The following DYRK1A variants were observed in gnomAD, a reference collection of about 807,000 sequenced individuals.
The protein encoded by DYRK1A is dual specificity tyrosine-phosphorylation-regulated kinase 1A.
Under a neutral mutation model 79.7 loss-of-function variants are expected in DYRK1A, and 9 were observed. That is an observed-to-expected ratio of 0.11 (90% CI 0.07 to 0.20). The LOEUF (loss-of-function observed/expected upper bound fraction) is 0.20, where lower values mean the gene tolerates loss of function less well. DYRK1A is among the 10% of genes least tolerant of loss of function. DYRK1A has a pLI of 1.00. For synonymous variants in DYRK1A, 349 were observed against 329.7 expected (o/e 1.06, Z -0.63); for missense variants, 622 against 956.0 (o/e 0.65, Z 4.61).
intron 1 of DYRK1A, among the ~76,000 whole-genome samples, chr21:37,371,740 A>G (rs1332017792): frequency 6.6e-6 from 1 of 152,116 alleles, no homozygotes; most frequent in Admixed American, 6.5e-5. Flanking sequence ...GTCAGTGAAT[A>G]TTCTTGTTTT....
chr21:37,413,134 A>G (rs1185063993), intron 1 of DYRK1A, among the ~76,000 whole-genome samples: 1 of 152,180 alleles, frequency 6.6e-6, no homozygotes, highest in Non-Finnish European at 1.5e-5. Context: ...TGTAAACTCC[A>G]CAGAAGTGTG....
At position 37,526,184 on chromosome 21, in the gene DYRK1A, A is replaced by T. The variant is rs2053966603; in HGVS notation, c.*13653A>T. 1 of 152,238 alleles carries T rather than the reference A, an allele frequency of 6.6e-6. No homozygotes were observed. Among genetic ancestry groups the T allele is most frequent in the African/African-American group, 2.4e-5 (1 of 41,446 alleles). 9.4% of individuals were successfully genotyped at this position (152,238 alleles called of 1,614,324 possible). Reference sequence around the variant, plus strand: ...CAAACTACAGTTTGAGCAGTGTGTTAGGGACCTCAATGCAAACCCAAAAGA... The same window carrying T: ...CAAACTACAGTTTGAGCAGTGTGTTTGGGACCTCAATGCAAACCCAAAAGA... On this transcript the variant is annotated 3_prime_UTR_variant, in exon 12 of 12. Transcript: ENST00000647188.
intron 1 of DYRK1A, among the ~76,000 whole-genome samples, chr21:37,410,298 T>C (rs2148413205): frequency 6.6e-6 from 1 of 152,320 alleles, no homozygotes; most frequent in Middle Eastern, 3.4e-3. Flanking sequence ...AGGCTGTGTA[T>C]AGGTATTTTC....
chr21:37,459,791 C>T (rs2051778411), intron 2 of DYRK1A, among the ~76,000 whole-genome samples: 1 of 152,192 alleles, frequency 6.6e-6, no homozygotes, highest in Non-Finnish European at 1.5e-5. Flanking sequence ...GCATTCTTCT[C>T]TGTGTCTCTG....
intron 2 of DYRK1A, among the ~76,000 whole-genome samples, chr21:37,431,247 G>T (rs942954273): frequency 6.6e-6 from 1 of 152,206 alleles, no homozygotes; most frequent in Non-Finnish European, 1.5e-5. Flanking sequence ...TGGGGTGGCT[G>T]TTGGCTCCTT....
intron 2 of DYRK1A, among the ~76,000 whole-genome samples, chr21:37,439,829 G>GT (rs1394797559): frequency 1.3e-5 from 2 of 151,944 alleles, no homozygotes; most frequent in East Asian, 3.9e-4. Context: ...TTTGTCAAAT[G>GT]TTTTTTCTGC....
intron 1 of DYRK1A, among the ~76,000 whole-genome samples, chr21:37,403,663 A>ATGTG (rs761056038): frequency 0.02 from 2,480 of 121,460 alleles, 28 homozygotes; most frequent in Middle Eastern, 0.031. Context: ...ATATATATAT[A>ATGTG]TGTGTGTGTG....
intron 1 of DYRK1A, among the ~76,000 whole-genome samples, chr21:37,375,519 CTTTTT>C (rs58948987): frequency 0.055 from 4,460 of 81,418 alleles, 227 homozygotes; most frequent in African/African-American, 0.19. Context: ...AGGAATATTA[CTTTTT>C]TTTTTTTTTT....
intron 8 of DYRK1A, among the ~76,000 whole-genome samples, chr21:37,495,096 TAAAGTACTTAAA>T (rs1419587581): frequency 6.6e-6 from 1 of 151,934 alleles, no homozygotes; most frequent in African/African-American, 2.4e-5. Flanking sequence ...CACACTCATT[TAAAGTACTTAAA>T]AAAGTACTTT....
rs2186339 is a variant in DYRK1A at position 37,505,200 on chromosome 21, T to G, written c.1213-83T>G. On this transcript the variant is annotated intron_variant, in intron 9 of 11. Transcript: ENST00000647188. ...TTAATAAAGGCCTCAACATATATAT[T>G]TAAACATATTTGAAATTCAATTATG... 161,899 of 1,151,974 alleles carry G rather than the reference T, an allele frequency of 0.14. 12,553 individuals are homozygous for G. Among genetic ancestry groups the G allele is most frequent in the Middle Eastern group, 0.2 (817 of 4,102 alleles). The allele number at this position is 1,151,974 out of a possible 1,614,324, so 71.4% of individuals were successfully genotyped here.
chr21:37,490,983 C>CT (rs1263147621), intron 7 of DYRK1A, among the ~76,000 whole-genome samples: 2 of 152,132 alleles, frequency 1.3e-5, no homozygotes, highest in Non-Finnish European at 1.5e-5. Flanking sequence ...CAAGATAAAT[C>CT]TTTTTTCTCA....
At chr21:37,373,572 T>C (rs2049476592) in intron 1 of DYRK1A, among the ~76,000 whole-genome samples, 1 of 152,242 alleles carries the variant, frequency 6.6e-6, no homozygotes, top group Non-Finnish European at 1.5e-5. Flanking sequence ...CTTGGTTCCT[T>C]CTGTCTTGTT....
At chr21:37,473,802 C>A (rs910476525) in intron 3 of DYRK1A, among the ~76,000 whole-genome samples, 1 of 137,690 alleles carries the variant, frequency 7.3e-6, no homozygotes, top group Non-Finnish European at 1.5e-5. Context: ...ACAGTTAAAT[C>A]GTTACAATAA....
At chr21:37,470,884 A>G (rs73903995) in intron 2 of DYRK1A, among the ~76,000 whole-genome samples, 12,509 of 152,262 alleles carry the variant, frequency 0.082, 1,737 homozygotes, top group African/African-American at 0.28. Flanking sequence ...ATTTTTGACT[A>G]TGAATGATGA....
intron 7 of DYRK1A, among the ~76,000 whole-genome samples, chr21:37,492,306 A>G (rs1026783199): frequency 1.3e-5 from 2 of 152,192 alleles, no homozygotes; most frequent in African/African-American, 4.8e-5. Context: ...GGGTGTTAGG[A>G]AATTTAGTTA....
intron 2 of DYRK1A, among the ~76,000 whole-genome samples, chr21:37,448,566 ATAT>A (rs1180223090): frequency 6.6e-6 from 1 of 152,232 alleles, no homozygotes; most frequent in African/African-American, 2.4e-5. Flanking sequence ...TTAACATGAA[ATAT>A]TATAGGTATG....
chr21:37,430,543 GTCA>G (rs1434240032), intron 2 of DYRK1A: 13 of 400,736 alleles, frequency 3.2e-5, no homozygotes, highest in Non-Finnish European at 4.1e-5. Context: ...AGAGTCCTCT[GTCA>G]TCATTTTGCC....
chr21:37,507,405 C>T (rs71332586), intron 11 of DYRK1A, among the ~76,000 whole-genome samples: 17,598 of 152,134 alleles, frequency 0.12, 1,278 homozygotes, highest in Middle Eastern at 0.17. Flanking sequence ...AGCACCTTTG[C>T]GTGTCCCCCT....
chr21:37,492,990 G>A (rs2053146777), intron 7 of DYRK1A, 27 bp from the exon 8 acceptor site: 1 of 1,556,498 alleles, frequency 6.4e-7, no homozygotes, highest in African/African-American at 1.4e-5. Context: ...AGCAATTGAA[G>A]TAATACTATT....
Sources: allele counts gnomAD v4.1 joint callset (sites outside exome capture counted in the v4.1 genomes callset), GRCh38; gene constraint gnomAD v4.1.1; transcripts MANE v1.5; gene names NCBI Gene and HGNC (gene_info 2026-07-23, HGNC 2026-07-21).